NOX4: variants seen among roughly 807,000 people sequenced by gnomAD.
The protein encoded by NOX4 is NADPH oxidase 4.
Under a neutral mutation model 87.6 loss-of-function variants are expected in NOX4, and 69 were observed. That is an observed-to-expected ratio of 0.79 (90% CI 0.65 to 0.96). NOX4 has a LOEUF of 0.96. Among genes scored for constraint, NOX4 ranks in the 40% least tolerant of loss-of-function variants. The probability of loss-of-function intolerance (pLI) is 0.00; values close to 1 mark genes in which losing one functional copy is unlikely to be tolerated. For missense variants in NOX4, 680 were observed against 681.5 expected (o/e 1.00, Z 0.02); for synonymous variants, 275 against 238.2 (o/e 1.15, Z -1.42).
intron 7 of NOX4, among the ~76,000 whole-genome samples, chr11:89,425,459 G>A (rs1000439901): frequency 2.0e-5 from 3 of 150,120 alleles, no homozygotes; most frequent in African/African-American, 7.3e-5. Flanking sequence ...TTAGTAATAT[G>A]GGTCTGGGAA....
chr11:89,342,318 G>T lies in NOX4; in HGVS notation c.1218-125C>A, dbSNP rs1946041880. On this transcript the variant is annotated intron_variant, in intron 13 of 17. Transcript: ENST00000263317. ...GTGATGGGTCAGGCCTTATTTCATGGTTTCTCATAGTGATTAGCCTAAAGG... is the reference window on the plus strand; with the variant it reads ...GTGATGGGTCAGGCCTTATTTCATGTTTTCTCATAGTGATTAGCCTAAAGG... The T allele has an allele frequency of 2.1e-5, 15 of 729,408 alleles. No individual in the cohort carries two copies. In the Admixed American group the frequency reaches 2.6e-4, roughly 12 times the overall value. The allele number at this position is 729,408 out of a possible 1,614,324, so 45.2% of individuals were successfully genotyped here. A position where few individuals can be genotyped will look rare whatever the true frequency, so the allele number is the denominator to read the frequency against.
upstream of NOX4, among the ~76,000 whole-genome samples, chr11:89,492,672 G>A (rs76963774): frequency 2.2e-3 from 334 of 152,222 alleles, no homozygotes; most frequent in Middle Eastern, 6.8e-3. Context: ...AGAGCATATT[G>A]TTTATAAATA....
the NOX4 span, among the ~76,000 whole-genome samples, chr11:89,506,290 A>AGAAC: frequency 1.2e-5 from 1 of 83,350 alleles, no homozygotes; most frequent in Non-Finnish European, 2.7e-5. Flanking sequence ...AAAGGAAGAA[A>AGAAC]GAAAGAAAGA....
At chr11:89,359,783 C>G (rs1242821811) in intron 12 of NOX4, among the ~76,000 whole-genome samples, 1 of 151,886 alleles carries the variant, frequency 6.6e-6, no homozygotes, top group Non-Finnish European at 1.5e-5. Context: ...AATATTTTAA[C>G]TGTTTTGAGT....
At chr11:89,547,161 G>A in the NOX4 span, among the ~76,000 whole-genome samples, 1 of 151,954 alleles carries the variant, frequency 6.6e-6, no homozygotes, top group Non-Finnish European at 1.5e-5. Flanking sequence ...CCCTACTACT[G>A]ACTATACCAA....
chr11:89,560,990 CTCTCTCTATATA>C, the NOX4 span, among the ~76,000 whole-genome samples: 3 of 73,500 alleles, frequency 4.1e-5, no homozygotes, highest in Admixed American at 1.6e-4. Context: ...CTCTCTCTCT[CTCTCTCTATATA>C]TATATATATA....
chr11:89,495,548 T>C (rs1463592467), upstream of NOX4, among the ~76,000 whole-genome samples: 1 of 152,140 alleles, frequency 6.6e-6, no homozygotes, highest in African/African-American at 2.4e-5. Context: ...CAAAGTCCCT[T>C]TTTCCTTATA....
the NOX4 span, among the ~76,000 whole-genome samples, chr11:89,587,194 T>C: frequency 6.6e-6 from 1 of 151,874 alleles, no homozygotes; most frequent in Non-Finnish European, 1.5e-5. Context: ...AACTGAATTG[T>C]GAGAGTTTAA....
chr11:89,501,786 A>G (rs904026698), upstream of NOX4, among the ~76,000 whole-genome samples: 3 of 152,080 alleles, frequency 2.0e-5, no homozygotes, highest in African/African-American at 7.2e-5. Context: ...TGAGAGCAGA[A>G]CAAGAGGCTG....
chr11:89,519,285 T>C, the NOX4 span, among the ~76,000 whole-genome samples: 4 of 152,036 alleles, frequency 2.6e-5, no homozygotes, highest in African/African-American at 9.7e-5. Flanking sequence ...TAAATTTTAA[T>C]TTATTTATTT....
the NOX4 span, among the ~76,000 whole-genome samples, chr11:89,518,449 C>G: frequency 2.0e-5 from 3 of 152,048 alleles, no homozygotes; most frequent in East Asian, 3.9e-4. Flanking sequence ...GAATTAGTAT[C>G]TATTCAGACT....
chr11:89,386,793 C>G (rs1333431778), intron 11 of NOX4, among the ~76,000 whole-genome samples: 1 of 152,086 alleles, frequency 6.6e-6, no homozygotes, highest in East Asian at 1.9e-4. Flanking sequence ...TCCAACCAAG[C>G]AAGTAATTAT....
At chr11:89,540,834 T>G in the NOX4 span, among the ~76,000 whole-genome samples, 1 of 99,474 alleles carries the variant, frequency 1.0e-5, no homozygotes, top group African/African-American at 3.5e-5. Flanking sequence ...AAAAAAAAAT[T>G]GAAAGCTTGG....
At chr11:89,382,117 T>G (rs1043587160) in intron 11 of NOX4, among the ~76,000 whole-genome samples, 1 of 152,100 alleles carries the variant, frequency 6.6e-6, no homozygotes, top group Non-Finnish European at 1.5e-5. Flanking sequence ...ATCCTTCACC[T>G]TAGTGGCAAG....
the NOX4 span, among the ~76,000 whole-genome samples, chr11:89,561,722 A>T: frequency 3.9e-5 from 6 of 152,152 alleles, no homozygotes; most frequent in Non-Finnish European, 4.4e-5. Context: ...AACAGTGAAC[A>T]AAACAAAATT....
At chr11:89,381,315 C>T (rs1265000727) in intron 11 of NOX4, among the ~76,000 whole-genome samples, 6 of 152,052 alleles carry the variant, frequency 3.9e-5, no homozygotes, top group South Asian at 2.1e-4. Flanking sequence ...GTCAGGCCTC[C>T]GAGCCCAAGC....
chr11:89,438,640 A>T (rs1308775425), intron 6 of NOX4, among the ~76,000 whole-genome samples: 1 of 80,404 alleles, frequency 1.2e-5, no homozygotes, highest in South Asian at 4.0e-4. Context: ...TACTATATAT[A>T]ATACTCTATA....
chr11:89,551,136 G>T, the NOX4 span, among the ~76,000 whole-genome samples: 20 of 152,026 alleles, frequency 1.3e-4, no homozygotes, highest in Admixed American at 9.8e-4. Context: ...CTGTTCCATT[G>T]GTCTATATAT....
At chr11:89,395,161 T>C (rs563160265) in intron 11 of NOX4, among the ~76,000 whole-genome samples, 19 of 152,244 alleles carry the variant, frequency 1.2e-4, no homozygotes, top group Admixed American at 8.5e-4. Flanking sequence ...CTCTCCAGCA[T>C]CTGTTGTTTC....
Sources: gnomAD v4.1 joint callset for allele counts (sites outside exome capture counted in the v4.1 genomes callset) on GRCh38, gnomAD v4.1.1 for gene constraint, MANE v1.5 for transcripts, NCBI Gene and HGNC (gene_info 2026-07-23, HGNC 2026-07-21) for gene names.